Variants in PTPRF observed in about 807,000 individuals in gnomAD.
PTPRF encodes receptor-type tyrosine-protein phosphatase F.
PTPRF carries 59 observed loss-of-function variants against 201.8 expected under a neutral mutation model. The observed-to-expected ratio is 0.29, with a 90% CI of 0.24 to 0.36. The LOEUF (loss-of-function observed/expected upper bound fraction) is 0.36, where lower values mean the gene tolerates loss of function less well. PTPRF is among the 10% of genes least tolerant of loss of function. The pLI is 1.00. For missense variants in PTPRF, 2,132 were observed against 2,690.5 expected (o/e 0.79, Z 4.59); for synonymous variants, 1,088 against 1,089.7 (o/e 1.00, Z 0.03).
At chr1:43,620,361 A>G in intron 30 of PTPRF, 93 bp from the exon 31 acceptor site, 2 of 1,519,716 alleles carry the variant, frequency 1.3e-6, no homozygotes, top group Non-Finnish European at 9.0e-7. Flanking sequence ...CGTTATTACT[A>G]CCTGAGGCAT....
At chr1:43,547,438 G>A (rs906097855) in intron 3 of PTPRF, among the ~76,000 whole-genome samples, 2 of 152,220 alleles carry the variant, frequency 1.3e-5, no homozygotes, top group Non-Finnish European at 2.9e-5. Flanking sequence ...CCTGGGCTGG[G>A]GGTCAGAGTG....
In PTPRF at chr1:43,606,396, C is replaced by T; in HGVS notation, c.3640C>T (p.Leu1214=). Residue 1214 remains leucine (L), a synonymous_variant, in exon 20 of 34, where the codon CTG becomes TTG. Coordinates refer to ENST00000359947, the MANE Select transcript of PTPRF (RefSeq NM_002840.5). ...KNYRGFYNRP[L]SPDLSYQCFV... The stretch of plus-strand genomic sequence containing the variant: ...CTACCGGGGCTTCTACAACCGGCCC[C>T]TGTCTCCGGACTTGAGCTACCAGTG... 1 of 1,614,202 alleles carries T rather than the reference C, an allele frequency of 6.2e-7. No individual in the cohort carries two copies. The highest frequency in any genetic ancestry group is 8.5e-7 in the Non-Finnish European group (1 of 1,180,024).
chr1:43,608,406 T>G (rs928593417), intron 21 of PTPRF, among the ~76,000 whole-genome samples: 1 of 152,202 alleles, frequency 6.6e-6, no homozygotes, highest in Non-Finnish European at 1.5e-5. Flanking sequence ...CAGGGAGGGA[T>G]GACGCTTTGA....
intron 5 of PTPRF, among the ~76,000 whole-genome samples, chr1:43,560,779 G>C (rs1281324031): frequency 1.3e-5 from 2 of 152,196 alleles, no homozygotes; most frequent in Non-Finnish European, 2.9e-5. Context: ...GGGTGCACCA[G>C]ATAGGGATCC....
At chr1:43,608,963 G>T (rs1004416386) in intron 21 of PTPRF, among the ~76,000 whole-genome samples, 1 of 151,992 alleles carries the variant, frequency 6.6e-6, no homozygotes, top group Non-Finnish European at 1.5e-5. Flanking sequence ...ATACTCTGAG[G>T]GCCAAAAAGC....
Position 43,620,592 on chromosome 1 carries a change from A to G in PTPRF, c.5364+13A>G, listed in dbSNP as rs1658977596. The G allele has an allele frequency of 1.9e-6, 3 of 1,612,406 alleles. No homozygotes were observed. Among genetic ancestry groups the G allele is most frequent in the East Asian group, 2.2e-5 (1 of 44,886 alleles). The stretch of plus-strand genomic sequence containing the variant: ...CACGGATGCCCGGGTGAGTGAGTGC[A>G]TTGAGTGTGTCCATAACGCTGCCTG... On this transcript the variant is annotated intron_variant, in intron 31 of 33. Transcript: ENST00000359947.
At chr1:43,597,425 CGT>C (rs1187531898) in intron 11 of PTPRF, among the ~76,000 whole-genome samples, 4 of 151,872 alleles carry the variant, frequency 2.6e-5, no homozygotes, top group Admixed American at 1.3e-4. Context: ...TGTGACACAG[CGT>C]GTGACTGTGT....
In PTPRF at chr1:43,609,432, A is replaced by G; in HGVS notation, c.3907A>G (p.Lys1303Glu). ...SSKDEQSIGL[K>E]DSLLAHSSDP... ...TAAGGATGAGCAGTCGATCGGACTGAAGGACTCCTTGCTGGCCCACTCCTC... is the reference window on the plus strand; with the variant it reads ...TAAGGATGAGCAGTCGATCGGACTGGAGGACTCCTTGCTGGCCCACTCCTC... The change falls in exon 22 of 34, where the codon AAG (lysine) becomes GAG (glutamate). Residue 1303 changes from lysine to glutamate, a missense_variant. This residue lies in a region of PTPRF where 818 missense variants were observed against 915.3 expected (regional missense o/e 0.89). Transcript: ENST00000359947. The G allele has an allele frequency of 6.2e-7, 1 of 1,614,060 alleles. No individual in the cohort carries two copies.
intron 11 of PTPRF, 110 bp from the exon 12 acceptor site, chr1:43,597,638 A>G: frequency 1.2e-6 from 1 of 825,268 alleles, no homozygotes; most frequent in Non-Finnish European, 1.9e-6. Flanking sequence ...CCATTTCAGC[A>G]CCTAAGGGGT....
chr1:43,589,531 G>A (rs1650062824), intron 8 of PTPRF, among the ~76,000 whole-genome samples: 1 of 151,914 alleles, frequency 6.6e-6, no homozygotes, highest in African/African-American at 2.4e-5. Context: ...CTGGGGACAG[G>A]CACACATGTA....
chr1:43,607,453 G>T (rs1401978019), intron 21 of PTPRF, among the ~76,000 whole-genome samples: 1 of 152,186 alleles, frequency 6.6e-6, no homozygotes, highest in Non-Finnish European at 1.5e-5. Flanking sequence ...GGCCTGCTGT[G>T]CCCGTGCCAT....
At chr1:43,534,536 G>A (rs1179339444) in intron 1 of PTPRF, among the ~76,000 whole-genome samples, 3 of 152,112 alleles carry the variant, frequency 2.0e-5, no homozygotes, top group Admixed American at 1.3e-4. Context: ...CAGGTTCCTC[G>A]GAGTGGTTGA....
chr1:43,540,438 C>T (rs1035380363), intron 2 of PTPRF, among the ~76,000 whole-genome samples: 1 of 152,120 alleles, frequency 6.6e-6, no homozygotes, highest in African/African-American at 2.4e-5. Context: ...GACAGAACGG[C>T]AGGTACAGAG....
intron 16 of PTPRF, 52 bp downstream of exon 16, chr1:43,604,241 T>A: frequency 6.4e-7 from 1 of 1,564,530 alleles, no homozygotes; most frequent in Non-Finnish European, 8.7e-7. Flanking sequence ...CATCTGGGGG[T>A]CTCTGCTCTC....
chr1:43,614,210 G>C (rs1340329379), intron 23 of PTPRF, among the ~76,000 whole-genome samples: 1 of 152,220 alleles, frequency 6.6e-6, no homozygotes, highest in Non-Finnish European at 1.5e-5. Flanking sequence ...TCAGAGAGGG[G>C]AAGTGACTTG....
At chr1:43,613,054 G>A (rs1282522799) in intron 22 of PTPRF, 4 of 357,154 alleles carry the variant, frequency 1.1e-5, no homozygotes, top group Admixed American at 3.9e-5. Flanking sequence ...CTCCAGTCCC[G>A]GCCTGACACC....
At chr1:43,565,869 G>A (rs1310914019) in intron 5 of PTPRF, among the ~76,000 whole-genome samples, 1 of 152,134 alleles carries the variant, frequency 6.6e-6, no homozygotes, top group Non-Finnish European at 1.5e-5. Context: ...GGCACACGCA[G>A]CCCTTCCGCG....
At chr1:43,536,268 C>T (rs1295995300) in intron 1 of PTPRF, among the ~76,000 whole-genome samples, 1 of 152,084 alleles carries the variant, frequency 6.6e-6, no homozygotes, top group Admixed American at 6.6e-5. Flanking sequence ...TATTTGGTTG[C>T]CTGATAGGTT....
At chr1:43,604,291 T>G (rs776125019) in intron 16 of PTPRF, 102 bp downstream of exon 16, 29 of 1,234,652 alleles carry the variant, frequency 2.3e-5, no homozygotes, top group Non-Finnish European at 3.0e-5. Flanking sequence ...TCCACCAGCC[T>G]CTGGTGTGTG....
Sources: gnomAD v4.1 joint callset for allele counts (sites outside exome capture counted in the v4.1 genomes callset) on GRCh38, gnomAD v4.1.1 for gene constraint, gnomAD v4.1.1 regional missense constraint, MANE v1.5 for transcripts, NCBI Gene and HGNC (gene_info 2026-07-23, HGNC 2026-07-21) for gene names.